The following COL23A1 variants were observed in gnomAD, a reference collection of about 807,000 sequenced individuals.
COL23A1 encodes collagen type XXIII alpha 1 chain.
A neutral mutation model predicts 99.3 loss-of-function variants in COL23A1; 97 were observed. The observed-to-expected ratio is 0.98, with a 90% CI of 0.83 to 1.16. COL23A1 has a LOEUF of 1.16. Ranked by LOEUF, COL23A1 falls within the 50% of genes most tolerant of loss-of-function variation. The pLI, the probability that COL23A1 is intolerant of heterozygous loss-of-function variation, is 0.00. For missense variants in COL23A1, 762 were observed against 757.4 expected (o/e 1.01, Z -0.07); for synonymous variants, 320 against 308.2 (o/e 1.04, Z -0.40).
At chr5:178,584,819 C>A (rs6600941) in intron 1 of COL23A1, among the ~76,000 whole-genome samples, 1 of 151,950 alleles carries the variant, frequency 6.6e-6, no homozygotes, top group South Asian at 2.1e-4. Flanking sequence ...AGACTGACTA[C>A]CTTGGTCCTT....
At chr5:178,493,261 T>A (rs1044856968) in intron 2 of COL23A1, among the ~76,000 whole-genome samples, 2 of 152,228 alleles carry the variant, frequency 1.3e-5, no homozygotes, top group African/African-American at 4.8e-5. Flanking sequence ...CTTATCTATC[T>A]GTGGGCCCAG....
At chr5:178,563,526 CTTTTT>C (rs779487808) in intron 1 of COL23A1, among the ~76,000 whole-genome samples, 3 of 83,230 alleles carry the variant, frequency 3.6e-5, no homozygotes, top group African/African-American at 1.5e-4. Context: ...TCAGAACTCA[CTTTTT>C]TTTTTTTTTT....
intron 2 of COL23A1, among the ~76,000 whole-genome samples, chr5:178,435,001 G>A (rs1018831267): frequency 2.6e-5 from 4 of 152,176 alleles, no homozygotes; most frequent in Non-Finnish European, 4.4e-5. Context: ...GTCCAGCACC[G>A]CTCGCTCGAT....
intron 1 of COL23A1, among the ~76,000 whole-genome samples, chr5:178,566,243 C>T (rs1239286517): frequency 6.6e-6 from 1 of 152,134 alleles, no homozygotes; most frequent in Admixed American, 6.5e-5. Context: ...GAATTAACTA[C>T]AAGGGCAGCA....
chr5:178,324,108 G>C (rs1266274993), intron 2 of COL23A1, among the ~76,000 whole-genome samples: 21 of 152,108 alleles, frequency 1.4e-4, no homozygotes, highest in Admixed American at 1.3e-3. Flanking sequence ...TTGAGGTCCT[G>C]TGCTGTGAGG....
At chr5:178,469,587 C>A (rs915837336) in intron 2 of COL23A1, among the ~76,000 whole-genome samples, 1 of 152,010 alleles carries the variant, frequency 6.6e-6, no homozygotes, top group South Asian at 2.1e-4. Context: ...TGAGCACTCT[C>A]GGGGGAGCTG....
At chr5:178,565,651 C>A (rs754459818) in intron 1 of COL23A1, among the ~76,000 whole-genome samples, 5 of 152,132 alleles carry the variant, frequency 3.3e-5, no homozygotes, top group Non-Finnish European at 5.9e-5. Context: ...ATCTATTCCT[C>A]CTGATAACCC....
intron 1 of COL23A1, 108 bp from the exon 2 acceptor site, chr5:178,560,856 C>T (rs1206280075): frequency 4.0e-5 from 42 of 1,054,488 alleles, no homozygotes; most frequent in Non-Finnish European, 5.2e-5. Flanking sequence ...AAACCATCTA[C>T]AGTGCTGGGG....
rs1285652502 is a variant in COL23A1 at position 178,434,818 on chromosome 5, G to T, written c.361+125864C>A. Reference sequence around the variant, plus strand: ...GGCCCCAGTGCTAGAGCTTAATGGAGATGGGATTCCAGCTCAGGGCTGGTT... The same window carrying T: ...GGCCCCAGTGCTAGAGCTTAATGGATATGGGATTCCAGCTCAGGGCTGGTT... On this transcript the variant is annotated intron_variant, in intron 2 of 28. Coordinates refer to ENST00000390654, the MANE Select transcript of COL23A1 (RefSeq NM_173465.4). This position sits in a 1 kb window ranked among gnomAD's most constrained non-coding sequence, Gnocchi z 4.3. 6.6e-6 allele frequency among the ~76,000 whole-genome samples: 1 copy of T among 152,260 alleles called. No homozygotes were observed. The highest frequency in any genetic ancestry group is 2.4e-5 in the African/African-American group (1 of 41,474).
rs1175459395 is a variant in COL23A1, at chr5:178,357,792, GTGTA to G, written c.362-50877_362-50874del. Among the ~76,000 whole-genome samples, 153 of 146,478 alleles carry G rather than the reference GTGTA, an allele frequency of 1.0e-3. 1 individual carries two copies. Among genetic ancestry groups the G allele is most frequent in the Middle Eastern group, 0.01 (3 of 292 alleles). On this transcript the variant is annotated intron_variant, in intron 2 of 28. Coordinates refer to ENST00000390654, the MANE Select transcript of COL23A1 (RefSeq NM_173465.4). ...TGTATGTGTGTATGTGTATGTGTGTGTGTATGTGTGTGTGTATGTGTGTATGTGT... is the reference window on the plus strand; with the variant it reads ...TGTATGTGTGTATGTGTATGTGTGTGTGTGTGTGTGTATGTGTGTATGTGT...
chr5:178,558,643 G>T (rs1217080159), intron 2 of COL23A1, among the ~76,000 whole-genome samples: 1 of 152,078 alleles, frequency 6.6e-6, no homozygotes. Context: ...GTGACTCCCA[G>T]TTCAAAAGAC....
intron 1 of COL23A1, among the ~76,000 whole-genome samples, chr5:178,584,309 CA>C (rs1331705070): frequency 1.0e-3 from 15 of 14,880 alleles, no homozygotes; most frequent in African/African-American, 9.1e-3. Flanking sequence ...TGCACCTGGC[CA>C]CACACACACA....
At chr5:178,403,800 C>T (rs1764602421) in intron 2 of COL23A1, among the ~76,000 whole-genome samples, 1 of 152,238 alleles carries the variant, frequency 6.6e-6, no homozygotes, top group African/African-American at 2.4e-5. Flanking sequence ...AAGAAAAGAA[C>T]AAATGCTTTT....
intron 23 of COL23A1, 22 bp from the exon 24 acceptor site, chr5:178,246,329 C>A: frequency 6.4e-7 from 1 of 1,558,178 alleles, no homozygotes; most frequent in Non-Finnish European, 8.7e-7. Flanking sequence ...AGGAATGAGT[C>A]AAGAGGCATG....
chr5:178,560,639 C>A, intron 2 of COL23A1, 43 bp downstream of exon 2: 1 of 1,571,380 alleles, frequency 6.4e-7, no homozygotes, highest in South Asian at 1.2e-5. Context: ...AAGCAAACGG[C>A]GGCCGAACGC....
chr5:178,288,370 A>G lies in COL23A1; in HGVS notation c.415-20T>C. On this transcript the variant is annotated intron_variant, in intron 4 of 28. Transcript: ENST00000390654. ...TTGCCCCTGTGGTAATTAATATGTC[A>G]TTAATAATCAGAGTTTCGGCAGAAA... 1 of 1,607,962 alleles carries G rather than the reference A, an allele frequency of 6.2e-7. No individual in the cohort carries two copies. Among genetic ancestry groups the G allele is most frequent in the Non-Finnish European group, 8.5e-7 (1 of 1,174,276 alleles).
Position 178,241,837 on chromosome 5 carries a change from A to G in COL23A1, c.1581+205T>C, listed in dbSNP as rs573348857. Among the ~76,000 whole-genome samples the G allele has an allele frequency of 1.2e-4, 18 of 152,282 alleles. No homozygotes were observed. The East Asian group carries it at 2.7e-3, about 23-fold the overall frequency. ...GGGCTGGGTTCCCTGAGTCATGCCCATGGTTGGGGGTGGTTAGGACCAGAG... is the reference window on the plus strand; with the variant it reads ...GGGCTGGGTTCCCTGAGTCATGCCCGTGGTTGGGGGTGGTTAGGACCAGAG... On this transcript the variant is annotated intron_variant, in intron 27 of 28. Transcript: ENST00000390654.
chr5:178,275,839 G>C (rs552107766), intron 5 of COL23A1, among the ~76,000 whole-genome samples: 2 of 152,054 alleles, frequency 1.3e-5, no homozygotes, highest in African/African-American at 4.8e-5. Context: ...GGTCCTGACC[G>C]ATCAATGACC....
chr5:178,288,191 C>A (rs1443330047), intron 5 of COL23A1, 133 bp downstream of exon 5: 14 of 875,126 alleles, frequency 1.6e-5, no homozygotes, highest in Non-Finnish European at 2.4e-5. Context: ...CGCTAATCGC[C>A]TCCACAGAAA....
Sources: gnomAD v4.1 joint callset for allele counts (sites outside exome capture counted in the v4.1 genomes callset) on GRCh38, gnomAD v4.1.1 for gene constraint, Gnocchi (gnomAD v3.1) non-coding constraint, MANE v1.5 for transcripts, NCBI Gene and HGNC (gene_info 2026-07-23, HGNC 2026-07-21) for gene names.